The following TENM4 variants were observed in gnomAD, a reference collection of about 807,000 sequenced individuals.
TENM4 encodes teneurin transmembrane protein 4, also known as teneurin-4.
A neutral mutation model predicts 243.3 loss-of-function variants in TENM4; 82 were observed. The observed-to-expected ratio is 0.34, with a 90% CI of 0.28 to 0.40. TENM4 has a LOEUF of 0.40. TENM4 is among the 10% of genes least tolerant of loss of function. The pLI is 1.00. For synonymous variants in TENM4, 1,412 were observed against 1,456.3 expected (o/e 0.97, Z 0.69); for missense variants, 3,138 against 3,673.3 (o/e 0.85, Z 3.77).
rs1565220645 is a variant in TENM4 at position 79,139,700 on chromosome 11, A to ATTTT, written c.-66+9009_-66+9010insAAAA. ...TTATATAAGTATATAAAATATATAT[A>ATTTT]ATATTTATATAAGTATATAAAATAT... On this transcript the variant is annotated intron_variant, in intron 4 of 33. Transcript: ENST00000278550. 1.2e-4 allele frequency among the ~76,000 whole-genome samples: 8 copies of ATTTT among 68,132 alleles called. 1 individual carries two copies. Among genetic ancestry groups the ATTTT allele is most frequent in the African/African-American group, 6.2e-4 (7 of 11,320 alleles). 44.7% of individuals were successfully genotyped at this position (68,132 alleles called of 152,430 possible).
chr11:78,658,397 A>G lies in TENM4; in HGVS notation c.7971T>C (p.Asn2657=), dbSNP rs1287666570. 2 of 1,614,034 alleles carry G rather than the reference A, an allele frequency of 1.2e-6. No individual in the cohort carries two copies. The highest frequency in any genetic ancestry group is 8.5e-7 in the Non-Finnish European group (1 of 1,179,894). ...VTVSQINTVL[N]GRTRRYTDIQ... The stretch of plus-strand genomic sequence containing the variant: ...TGTCTGTGTAGCGTCTAGTCCTGCC[A>G]TTAAGTACTGTGTTGATCTGGGACA... Residue 2657 remains asparagine, a synonymous_variant, in exon 34 of 34, where the codon AAT becomes AAC. Transcript: ENST00000278550.
chr11:79,124,891 A>ATGTGTGTGTGTGTG (rs1340627648), intron 4 of TENM4, among the ~76,000 whole-genome samples: 1 of 57,848 alleles, frequency 1.7e-5, no homozygotes, highest in African/African-American at 6.5e-5. Context: ...ATGTATATGT[A>ATGTGTGTGTGTGTG]TATGTGTGTG....
intron 3 of TENM4, among the ~76,000 whole-genome samples, chr11:79,175,646 T>A (rs1044425217): frequency 1.3e-5 from 2 of 152,246 alleles, no homozygotes; most frequent in Non-Finnish European, 1.5e-5. Context: ...CTTGTGTGTA[T>A]ATTTACAGAG....
intron 6 of TENM4, among the ~76,000 whole-genome samples, chr11:79,062,627 C>T (rs574164755): frequency 3.2e-4 from 49 of 152,306 alleles, no homozygotes; most frequent in African/African-American, 1.1e-3. Context: ...CCCCTTACCC[C>T]ATCTAAGAAC....
chr11:78,925,269 A>G (rs1184030635), intron 6 of TENM4, among the ~76,000 whole-genome samples: 1 of 152,058 alleles, frequency 6.6e-6, no homozygotes, highest in African/African-American at 2.4e-5. Flanking sequence ...TGGGAAATGC[A>G]CAAATTCTAT....
chr11:79,134,525 G>C (rs1458925827), intron 4 of TENM4, among the ~76,000 whole-genome samples: 2 of 151,986 alleles, frequency 1.3e-5, no homozygotes, highest in African/African-American at 4.8e-5. Context: ...CAGAAAAAGA[G>C]CCTGCATAGC....
rs1862120604 is a variant in TENM4, at chr11:79,136,908, A to G, written c.-66+11802T>C. Among the ~76,000 whole-genome samples the G allele has an allele frequency of 2.0e-5, 3 of 152,304 alleles. No homozygotes were observed. In the South Asian group the frequency reaches 6.2e-4, roughly 32 times the overall value. On this transcript the variant is annotated intron_variant, in intron 4 of 33. Coordinates refer to ENST00000278550, the MANE Select transcript of TENM4 (RefSeq NM_001098816.3). ...AATGGCCTTTTGAAGTCACAGTTAC[A>G]AAGCCAACTAGGTGACAATACTTTG...
chr11:79,284,128 C>T (rs1168619589), intron 2 of TENM4, among the ~76,000 whole-genome samples: 2 of 151,968 alleles, frequency 1.3e-5, no homozygotes, highest in African/African-American at 2.4e-5. Flanking sequence ...AAAAATATTC[C>T]CCAAATTTAT....
At chr11:78,778,841 T>G (rs908304959) in intron 16 of TENM4, among the ~76,000 whole-genome samples, 13 of 152,138 alleles carry the variant, frequency 8.5e-5, no homozygotes, top group African/African-American at 2.4e-4. Context: ...CAAAAGGAAC[T>G]TCAACTCATT....
chr11:79,144,971 T>C lies in TENM4; in HGVS notation c.-66+3739A>G, dbSNP rs181051102. ...ACAAATAAATGATAAATGCTTGAGG[T>C]GATGGATACCCCATTTAACCTGATA... On this transcript the variant is annotated intron_variant, in intron 4 of 33. Coordinates refer to ENST00000278550, the MANE Select transcript of TENM4 (RefSeq NM_001098816.3). 3.9e-5 allele frequency among the ~76,000 whole-genome samples: 6 copies of C among 152,186 alleles called. No homozygotes were observed. The East Asian group carries it at 1.2e-3, about 29-fold the overall frequency.
At chr11:79,271,805 C>T (rs539679229) in intron 2 of TENM4, among the ~76,000 whole-genome samples, 1 of 152,322 alleles carries the variant, frequency 6.6e-6, no homozygotes, top group African/African-American at 2.4e-5. Flanking sequence ...TTGGCAAGAC[C>T]ACCTAGTAAT....
chr11:79,055,138 A>C (rs1008533545), intron 6 of TENM4, among the ~76,000 whole-genome samples: 1 of 151,878 alleles, frequency 6.6e-6, no homozygotes, highest in Non-Finnish European at 1.5e-5. Flanking sequence ...AAAAAAAAAA[A>C]AAACCTGTAA....
intron 3 of TENM4, among the ~76,000 whole-genome samples, chr11:79,197,681 A>T (rs1270476776): frequency 6.6e-6 from 1 of 152,108 alleles, no homozygotes; most frequent in African/African-American, 2.4e-5. Flanking sequence ...TCCCCAAGTT[A>T]TTTCTCCTCT....
chr11:79,216,682 T>G (rs1381967652), intron 2 of TENM4, among the ~76,000 whole-genome samples: 1 of 152,220 alleles, frequency 6.6e-6, no homozygotes, highest in African/African-American at 2.4e-5. Context: ...CTCTTTCACA[T>G]GTGTTCACTT....
chr11:79,262,954 C>T (rs1330879988), intron 2 of TENM4, among the ~76,000 whole-genome samples: 2 of 152,254 alleles, frequency 1.3e-5, no homozygotes, highest in South Asian at 2.1e-4. Context: ...TCTCTCCCTT[C>T]CCTAACACCT....
chr11:78,708,315 G>A, intron 27 of TENM4, 46 bp downstream of exon 27: 1 of 1,608,446 alleles, frequency 6.2e-7, no homozygotes, highest in Non-Finnish European at 8.5e-7. Context: ...GCAGATGAGA[G>A]GATGAGTGGG....
At chr11:79,345,631 A>G (rs1857313398) in intron 1 of TENM4, among the ~76,000 whole-genome samples, 1 of 152,204 alleles carries the variant, frequency 6.6e-6, no homozygotes, top group Non-Finnish European at 1.5e-5. Context: ...TAGTTTCACC[A>G]TTTAGCTGTA....
At chr11:78,731,731 T>C (rs1040357984) in intron 21 of TENM4, among the ~76,000 whole-genome samples, 1 of 152,222 alleles carries the variant, frequency 6.6e-6, no homozygotes, top group African/African-American at 2.4e-5. Flanking sequence ...CTTTTAATGA[T>C]AGTTAAGTAA....
At chr11:79,217,970 C>T (rs1234321518) in intron 2 of TENM4, among the ~76,000 whole-genome samples, 4 of 152,120 alleles carry the variant, frequency 2.6e-5, no homozygotes, top group Non-Finnish European at 5.9e-5. Flanking sequence ...CCTGCCTCAG[C>T]CTCCCAAAGT....
Sources: allele counts gnomAD v4.1 joint callset (sites outside exome capture counted in the v4.1 genomes callset), GRCh38; gene constraint gnomAD v4.1.1; transcripts MANE v1.5; gene names NCBI Gene and HGNC (gene_info 2026-07-23, HGNC 2026-07-21).